The following PCDHGA5 variants were observed in gnomAD, a reference collection of about 807,000 sequenced individuals.
PCDHGA5 encodes the protein protocadherin gamma-A5.
In PCDHGA5, 36 loss-of-function variants were observed where a neutral mutation model predicts 56.7. The ratio of observed to expected loss-of-function variants is 0.64; its 90% CI spans 0.49 to 0.84. The LOEUF is 0.84. Among genes scored for constraint, PCDHGA5 ranks in the 40% least tolerant of loss-of-function variants. The pLI is 0.00. For synonymous variants in PCDHGA5, 563 were observed against 520.2 expected, an observed-to-expected ratio of 1.08 and a Z score of -1.12; for missense variants, 1,305 against 1,201.5, an observed-to-expected ratio of 1.09 and a Z score of -1.27.
intron 1 of PCDHGA5, among the ~76,000 whole-genome samples, chr5:141,462,086 A>C (rs993185274): frequency 6.6e-6 from 1 of 151,410 alleles, no homozygotes; most frequent in Non-Finnish European, 1.5e-5. Flanking sequence ...GCCTCCCAAA[A>C]TGCTGGGATT....
At chr5:141,398,643 C>T (rs746159571) in intron 1 of PCDHGA5, 1 of 1,614,024 alleles carries the variant, frequency 6.2e-7, no homozygotes, top group Admixed American at 1.7e-5. Context: ...AGTATAAACT[C>T]TCTCTTAACC....
At chr5:141,372,605 T>G in intron 1 of PCDHGA5, 5 of 1,614,050 alleles carry the variant, frequency 3.1e-6, no homozygotes, top group Non-Finnish European at 4.2e-6. Flanking sequence ...AGACTGTACC[T>G]GGAGTTCTCC....
Position 141,511,201 on chromosome 5 carries a change from G to A in PCDHGA5, c.*28G>A, listed in dbSNP as rs2099883661. On this transcript the variant is annotated 3_prime_UTR_variant, in exon 4 of 4. Transcript: ENST00000518069. ...TGGAGGCCAGGCCAAGAGCCACAGG[G>A]CGGCCTCTCCCCAACCAGCCCAGCT... 2 of 1,612,600 alleles carry A rather than the reference G, an allele frequency of 1.2e-6. No homozygotes were observed. The highest frequency in any genetic ancestry group is 1.7e-6 in the Non-Finnish European group (2 of 1,179,344).
At chr5:141,464,134 G>A (rs1270558696) in intron 1 of PCDHGA5, among the ~76,000 whole-genome samples, 1 of 151,944 alleles carries the variant, frequency 6.6e-6, no homozygotes, top group Admixed American at 6.6e-5. Context: ...GTGTGGTGGT[G>A]GGCGCCTGTA....
rs906812137 is a variant in PCDHGA5 at position 141,365,463 on chromosome 5, A to G, written c.1133A>G (p.Glu378Gly). The G allele has an allele frequency of 1.2e-6, 2 of 1,613,996 alleles. No homozygotes were observed. Among genetic ancestry groups the G allele is most frequent in the South Asian group, 1.1e-5 (1 of 91,084 alleles). ...AGCGTACATGATGGTGATTCTGGAG[A>G]AAATGGTGAGATTGCATGCTCTATT... ...LFSVHDGDSG[E>G]NGEIACSIPR... The change falls in exon 1 of 4, where the codon GAA becomes GGA. Residue 378 changes from glutamate (E) to glycine (G), a missense_variant. Coordinates refer to ENST00000518069, the MANE Select transcript of PCDHGA5 (RefSeq NM_018918.3).
rs1218261413 is a variant in PCDHGA5 at position 141,370,605 on chromosome 5, G to A, written c.2421+3854G>A. 2.5e-6 allele frequency: 4 copies of A among 1,613,858 alleles called. No individual in the cohort carries two copies. The African/African-American group carries it at 4.0e-5, about 16-fold the overall frequency. On this transcript the variant is annotated intron_variant, in intron 1 of 3. Coordinates refer to ENST00000518069, the MANE Select transcript of PCDHGA5 (RefSeq NM_018918.3). ...TACTAGGAACCTGCGGGTTATTGCA[G>A]AGAAGAAATTCTTTACCGTGAGCCC...
intron 1 of PCDHGA5, chr5:141,372,498 C>A: frequency 6.2e-7 from 1 of 1,614,054 alleles, no homozygotes; most frequent in Admixed American, 1.7e-5. Context: ...GATCTCAGTG[C>A]TCTTCCTCCT....
intron 1 of PCDHGA5, chr5:141,377,207 A>G (rs1170353646): frequency 6.6e-6 from 1 of 152,122 alleles, no homozygotes; most frequent in Non-Finnish European, 1.5e-5. Context: ...GATTGAGTAC[A>G]TCTCGTTTCT....
At position 141,432,900 on chromosome 5, in the gene PCDHGA5, T is replaced by A. The variant is rs139221180; in HGVS notation, c.2422-61907T>A. ...GCCTTCGTCATCTTGCTGCTGGCGCTCAGGCTGCGGCGCTGGCACAAGTCA... is the reference window on the plus strand; with the variant it reads ...GCCTTCGTCATCTTGCTGCTGGCGCACAGGCTGCGGCGCTGGCACAAGTCA... On this transcript the variant is annotated intron_variant, in intron 1 of 3. Transcript: ENST00000518069. The surrounding 1 kb of genome is among the most constrained non-coding windows in gnomAD (Gnocchi z 6.0). The A allele has an allele frequency of 7.9e-5, 128 of 1,614,174 alleles. No homozygotes were observed. The highest frequency in any genetic ancestry group is 7.4e-4 in the East Asian group (33 of 44,868).
At chr5:141,447,657 C>A (rs997179275) in intron 1 of PCDHGA5, among the ~76,000 whole-genome samples, 4 of 152,088 alleles carry the variant, frequency 2.6e-5, no homozygotes, top group Non-Finnish European at 4.4e-5. Context: ...TTTTCCCCCC[C>A]AGGAAGTTAG....
At position 141,512,114 on chromosome 5, in the gene PCDHGA5, C is replaced by T. The variant is rs2099884080; in HGVS notation, c.*941C>T. ...TAACTAGGCTGGACCCTTCCCACTA[C>T]ATAATAGGGCTCAGCCCAGGCAGCC... On this transcript the variant is annotated 3_prime_UTR_variant, in exon 4 of 4. Coordinates refer to ENST00000518069, the MANE Select transcript of PCDHGA5 (RefSeq NM_018918.3). 2 of 152,696 alleles carry T rather than the reference C, an allele frequency of 1.3e-5. No homozygotes were observed. Among genetic ancestry groups the T allele is most frequent in the African/African-American group, 4.8e-5 (2 of 41,468 alleles). 9.5% of individuals were successfully genotyped at this position (152,696 alleles called of 1,614,324 possible).
Position 141,487,007 on chromosome 5 carries a change from G to A in PCDHGA5, c.2422-7800G>A, listed in dbSNP as rs563548715. The A allele has an allele frequency of 3.1e-6, 5 of 1,614,206 alleles. No homozygotes were observed. In the South Asian group the frequency reaches 5.5e-5, roughly 18 times the overall value. ...TGCTTGGGTTTCCTATCAGCTCCTGGAGGCCCCAGATCCCAGCCTGTTTGC... is the reference window on the plus strand; with the variant it reads ...TGCTTGGGTTTCCTATCAGCTCCTGAAGGCCCCAGATCCCAGCCTGTTTGC... On this transcript the variant is annotated intron_variant, in intron 1 of 3. Transcript: ENST00000518069. This position sits in a 1 kb window ranked among gnomAD's most constrained non-coding sequence, Gnocchi z 5.0.
chr5:141,371,842 C>T (rs1768100584), intron 1 of PCDHGA5: 3 of 1,613,586 alleles, frequency 1.9e-6, no homozygotes, highest in African/African-American at 1.3e-5. Context: ...GACTTGGGAC[C>T]TAATGGCCTT....
chr5:141,379,441 A>G (rs185197715), intron 1 of PCDHGA5: 93 of 152,360 alleles, frequency 6.1e-4, no homozygotes, highest in African/African-American at 2.0e-3. Context: ...TGTTATACAT[A>G]TGATTATTTC....
At chr5:141,451,776 G>C (rs1279891846) in intron 1 of PCDHGA5, among the ~76,000 whole-genome samples, 1 of 152,078 alleles carries the variant, frequency 6.6e-6, no homozygotes, top group Non-Finnish European at 1.5e-5. Flanking sequence ...AGCTACTCAG[G>C]AGGCTGAGGC....
rs771162532 is a variant in PCDHGA5, at chr5:141,491,756, C to A, written c.2422-3051C>A. On this transcript the variant is annotated intron_variant, in intron 1 of 3. Transcript: ENST00000518069. The surrounding 1 kb of genome is among the most constrained non-coding windows in gnomAD (Gnocchi z 6.9). ...CCTGGGGGCGGCACTGGAGAAGCCGCCCGTCCTCATAAGGGATTGAACTTG... is the reference window on the plus strand; with the variant it reads ...CCTGGGGGCGGCACTGGAGAAGCCGACCGTCCTCATAAGGGATTGAACTTG... The A allele has an allele frequency of 6.3e-7, 1 of 1,581,720 alleles. No individual in the cohort carries two copies. Among genetic ancestry groups the A allele is most frequent in the Middle Eastern group, 1.7e-4 (1 of 5,958 alleles).
At chr5:141,422,473 G>A (rs2096650443) in intron 1 of PCDHGA5, 7 of 1,613,740 alleles carry the variant, frequency 4.3e-6, no homozygotes, top group Non-Finnish European at 5.1e-6. Context: ...CAGGGAGTTG[G>A]TCCAGAGCTA....
chr5:141,455,856 TTTTATTA>T (rs1315325745), intron 1 of PCDHGA5, among the ~76,000 whole-genome samples: 1 of 146,240 alleles, frequency 6.8e-6, no homozygotes, highest in East Asian at 2.0e-4. Flanking sequence ...AAATAATTTC[TTTTATTA>T]TTTATTTATT....
Position 141,491,995 on chromosome 5 carries a change from G to C in PCDHGA5, c.2422-2812G>C, listed in dbSNP as rs76332593. On this transcript the variant is annotated intron_variant, in intron 1 of 3. Transcript: ENST00000518069. The surrounding 1 kb of genome is among the most constrained non-coding windows in gnomAD (Gnocchi z 6.9). ...CTCCTTCGAGCTTCCGGTGAATTTC[G>C]GGCGATTTCCGCGGGTGTCGGGGGT... is the stretch of plus-strand genomic sequence containing the variant. 0.033 allele frequency: 22,941 copies of C among 696,644 alleles called. 426 individuals carry two copies. The highest frequency in any genetic ancestry group is 0.093 in the Middle Eastern group (249 of 2,666). The allele number at this position is 696,644 out of a possible 1,614,324, so 43.2% of individuals were successfully genotyped here. A position where few individuals can be genotyped will look rare whatever the true frequency, so the allele number is the denominator to read the frequency against.
Sources: allele counts gnomAD v4.1 joint callset (sites outside exome capture counted in the v4.1 genomes callset), GRCh38; gene constraint gnomAD v4.1.1; non-coding constraint Gnocchi (gnomAD v3.1); transcripts MANE v1.5; gene names NCBI Gene and HGNC (gene_info 2026-07-23, HGNC 2026-07-21).